CTNNA2: variants seen among roughly 807,000 people sequenced by gnomAD.
The protein encoded by CTNNA2 is catenin alpha 2.
Under a neutral mutation model 101.0 loss-of-function variants are expected in CTNNA2, and 42 were observed. The ratio of observed to expected loss-of-function variants is 0.42; its 90% CI spans 0.32 to 0.54. The LOEUF is 0.54. CTNNA2 is among the 20% of genes least tolerant of loss of function. CTNNA2 has a pLI of 0.14. For synonymous variants in CTNNA2, 450 were observed against 456.4 expected, an observed-to-expected ratio of 0.99 and a Z score of 0.18; for missense variants, 871 against 1,223.1, an observed-to-expected ratio of 0.71 and a Z score of 4.29.
At chr2:80,106,796 G>A (rs771158630) in intron 7 of CTNNA2, among the ~76,000 whole-genome samples, 4 of 152,110 alleles carry the variant, frequency 2.6e-5, no homozygotes, top group South Asian at 2.1e-4. Context: ...CAGGAGAGGC[G>A]CCTGGCGTAA....
chr2:80,351,536 A>G (rs368088609), intron 7 of CTNNA2, among the ~76,000 whole-genome samples: 1 of 152,162 alleles, frequency 6.6e-6, no homozygotes, highest in East Asian at 1.9e-4. Context: ...TTGGTGAATT[A>G]TATTTTTAGA....
At chr2:80,440,620 G>A (rs962330978) in intron 9 of CTNNA2, among the ~76,000 whole-genome samples, 15 of 147,578 alleles carry the variant, frequency 1.0e-4, no homozygotes, top group Non-Finnish European at 1.9e-4. Flanking sequence ...GCTCCTTACT[G>A]GATAAAGTTG....
intron 7 of CTNNA2, among the ~76,000 whole-genome samples, chr2:80,109,623 A>T (rs1701092343): frequency 6.6e-6 from 1 of 152,230 alleles, no homozygotes; most frequent in Non-Finnish European, 1.5e-5. Flanking sequence ...GGCCGAGTAC[A>T]GCATAATGTT....
chr2:80,437,669 G>A lies in CTNNA2; in HGVS notation c.1290+18068G>A, dbSNP rs371895292. 2.6e-5 allele frequency among the ~76,000 whole-genome samples: 4 copies of A among 152,298 alleles called. No individual in the cohort carries two copies. In the East Asian group the frequency reaches 7.7e-4, roughly 29 times the overall value. On this transcript the variant is annotated intron_variant, in intron 9 of 18. Coordinates refer to ENST00000402739, the MANE Select transcript of CTNNA2 (RefSeq NM_001282597.3). ...AAAATATGGACAGTTCTAAAGTATA[G>A]GTACAGTATTCATTTGCTAGAGCTG...
intron 7 of CTNNA2, among the ~76,000 whole-genome samples, chr2:79,933,543 G>T (rs548342975): frequency 6.6e-6 from 1 of 150,916 alleles, no homozygotes. Flanking sequence ...CAACCTCTGC[G>T]TCCCGGGTTC....
chr2:80,523,344 A>G (rs1268203586), intron 9 of CTNNA2, among the ~76,000 whole-genome samples: 1 of 152,156 alleles, frequency 6.6e-6, no homozygotes, highest in Non-Finnish European at 1.5e-5. Flanking sequence ...TTTTCATAGA[A>G]TAAAAAAAGA....
At chr2:79,499,193 C>T (rs150900334) in intron 4 of CTNNA2, 5 of 152,278 alleles carry the variant, frequency 3.3e-5, no homozygotes, top group African/African-American at 1.2e-4. Context: ...TACCTTGATT[C>T]AGCACCATAC....
intron 9 of CTNNA2, among the ~76,000 whole-genome samples, chr2:80,538,236 AT>A (rs1296903327): frequency 3.3e-5 from 5 of 152,032 alleles, no homozygotes; most frequent in African/African-American, 1.2e-4. Flanking sequence ...ATTAGATCCA[AT>A]TTGTCAATTT....
intron 15 of CTNNA2, among the ~76,000 whole-genome samples, chr2:80,598,875 G>A (rs1407251869): frequency 6.6e-6 from 1 of 152,142 alleles, no homozygotes. Flanking sequence ...GTTAGGAGTG[G>A]GTTAAATGGT....
At chr2:79,995,172 G>A (rs141333168) in intron 7 of CTNNA2, among the ~76,000 whole-genome samples, 9 of 152,298 alleles carry the variant, frequency 5.9e-5, no homozygotes, top group African/African-American at 2.2e-4. Flanking sequence ...GCTTGTTTCA[G>A]TCTGCTGAGA....
At chr2:79,293,394 C>T (rs1675880313) in intron 2 of CTNNA2, 2 of 152,126 alleles carry the variant, frequency 1.3e-5, no homozygotes, top group South Asian at 4.1e-4. Context: ...AATATGAATG[C>T]ATTAAGAAAT....
chr2:80,473,533 A>G (rs1685479874), intron 9 of CTNNA2, among the ~76,000 whole-genome samples: 1 of 152,188 alleles, frequency 6.6e-6, no homozygotes, highest in African/African-American at 2.4e-5. Flanking sequence ...CACTTAAGCA[A>G]TTCATGCTAA....
chr2:79,291,626 A>C (rs732259), intron 2 of CTNNA2, among the ~76,000 whole-genome samples: 45,267 of 151,976 alleles, frequency 0.3, 9,150 homozygotes, highest in African/African-American at 0.58. Flanking sequence ...CCATTTACTC[A>C]GATGTGTGGC....
chr2:79,833,040 G>A (rs985590075), intron 3 of CTNNA2, among the ~76,000 whole-genome samples: 2 of 152,136 alleles, frequency 1.3e-5, no homozygotes, highest in African/African-American at 2.4e-5. Context: ...AGTGATATAC[G>A]TATAAATTAG....
chr2:79,615,840 G>A (rs747606984), intron 1 of CTNNA2, among the ~76,000 whole-genome samples: 4 of 152,192 alleles, frequency 2.6e-5, no homozygotes, highest in Non-Finnish European at 5.9e-5. Context: ...GTATGTGCGT[G>A]TTGGGGAGTT....
Position 80,619,143 on chromosome 2 carries a change from G to C in CTNNA2, c.2489G>C (p.Gly830Ala). 6.4e-7 allele frequency: 1 copy of C among 1,560,434 alleles called. No individual in the cohort carries two copies. Among genetic ancestry groups the C allele is most frequent in the Non-Finnish European group, 8.7e-7 (1 of 1,151,680 alleles). The change falls in exon 18 of 19, where the codon GGG becomes GCG. Residue 830 changes from glycine (G) to alanine (A), a missense_variant. Physicochemically the swap from Gly to Ala is moderately conservative, Grantham distance 60. Around this residue, in one of 5 missense-constraint regions of CTNNA2, gnomAD observed 65 missense variants for 53.3 expected, o/e 1.22. Coordinates refer to ENST00000402739, the MANE Select transcript of CTNNA2 (RefSeq NM_001282597.3). The stretch of plus-strand genomic sequence containing the variant: ...GAGGTAGATTGTGATGTCATAGATG[G>C]GGGCAGGGCTAGTCAACTTTCTACC... The part of the protein sequence containing the change: ...FYEVDCDVID[G>A]GRASQLSTHL...
chr2:79,475,103 TCTC>T (rs1671037450), intron 4 of CTNNA2, among the ~76,000 whole-genome samples: 1 of 152,162 alleles, frequency 6.6e-6, no homozygotes, highest in African/African-American at 2.4e-5. Flanking sequence ...TCTGAGGAAT[TCTC>T]CTCTAAAGAA....
At chr2:80,567,903 T>A (rs975535007) in intron 12 of CTNNA2, among the ~76,000 whole-genome samples, 2 of 152,128 alleles carry the variant, frequency 1.3e-5, no homozygotes, top group African/African-American at 4.8e-5. Context: ...ATGTTAACAG[T>A]TACTAAACTG....
intron 9 of CTNNA2, among the ~76,000 whole-genome samples, chr2:80,444,753 C>T (rs1460219251): frequency 1.3e-5 from 2 of 152,170 alleles, no homozygotes; most frequent in African/African-American, 4.8e-5. Flanking sequence ...AGCAAGAAGA[C>T]TGCCATGGAA....
Sources: gnomAD v4.1 joint callset for allele counts (sites outside exome capture counted in the v4.1 genomes callset) on GRCh38, gnomAD v4.1.1 for gene constraint, gnomAD v4.1.1 regional missense constraint, MANE v1.5 for transcripts, NCBI Gene and HGNC (gene_info 2026-07-23, HGNC 2026-07-21) for gene names.